ARHGAP24: variants seen among roughly 807,000 people sequenced by gnomAD.
The protein encoded by ARHGAP24 is Rho GTPase activating protein 24.
Under a neutral mutation model 76.4 loss-of-function variants are expected in ARHGAP24, and 50 were observed. The observed-to-expected ratio is 0.65, with a 90% confidence interval of 0.52 to 0.83. The LOEUF is 0.83. Ranked by LOEUF, ARHGAP24 falls within the 40% of genes least tolerant of loss-of-function variation. The pLI, the probability that ARHGAP24 is intolerant of heterozygous loss-of-function variation, is 0.00. For synonymous variants in ARHGAP24, 345 were observed against 323.3 expected, an observed-to-expected ratio of 1.07 and a Z score of -0.72; for missense variants, 930 against 914.2, an observed-to-expected ratio of 1.02 and a Z score of -0.22.
intron 3 of ARHGAP24, among the ~76,000 whole-genome samples, chr4:85,894,685 T>C (rs7664621): frequency 0.68 from 103,469 of 151,936 alleles, 35,535 homozygotes; most frequent in African/African-American, 0.72. Flanking sequence ...GGGAGCCAGG[T>C]GAGGTGGCTC....
chr4:85,534,726 T>C (rs1328316990), intron 1 of ARHGAP24, among the ~76,000 whole-genome samples: 2 of 152,060 alleles, frequency 1.3e-5, no homozygotes, highest in Non-Finnish European at 2.9e-5. Context: ...GTTCAAAGCC[T>C]CTAGTTGCCT....
chr4:85,939,773 A>G (rs374550691), intron 4 of ARHGAP24, among the ~76,000 whole-genome samples: 8 of 152,246 alleles, frequency 5.3e-5, no homozygotes, highest in African/African-American at 1.9e-4. Context: ...AAACCCAAAT[A>G]TTGGAAGTTT....
chr4:85,558,076 C>T (rs949645947), intron 1 of ARHGAP24, among the ~76,000 whole-genome samples: 7 of 152,218 alleles, frequency 4.6e-5, no homozygotes, highest in African/African-American at 1.4e-4. Flanking sequence ...AGTGTCTTCC[C>T]TATCCTAAGG....
chr4:85,727,559 G>A (rs1376273572), intron 3 of ARHGAP24, among the ~76,000 whole-genome samples: 3 of 152,078 alleles, frequency 2.0e-5, no homozygotes, highest in Non-Finnish European at 2.9e-5. Flanking sequence ...TGGATTCTAC[G>A]GATGGAGTGC....
chr4:85,964,862 C>CGT lies in ARHGAP24; in HGVS notation c.600-7159_600-7158dup, dbSNP rs372675388. Among the ~76,000 whole-genome samples the CGT allele has an allele frequency of 4.6e-4, 69 of 150,324 alleles. No individual in the cohort carries two copies. In the South Asian group the frequency reaches 5.7e-3, roughly 12 times the overall value. ...ACGTAAAGAGAGTGATTTGTGTATA[C>CGT]GTGTGTGTGTGTGTGTACTCACATG... On this transcript the variant is annotated intron_variant, in intron 5 of 9. Coordinates refer to ENST00000395184, the MANE Select transcript of ARHGAP24 (RefSeq NM_001025616.3).
At chr4:85,925,276 C>T (rs958035353) in intron 4 of ARHGAP24, among the ~76,000 whole-genome samples, 3 of 152,166 alleles carry the variant, frequency 2.0e-5, no homozygotes, top group Non-Finnish European at 4.4e-5. Flanking sequence ...TCCAATTGTC[C>T]AGTACATTTA....
intron 3 of ARHGAP24, among the ~76,000 whole-genome samples, chr4:85,823,619 G>C (rs886665309): frequency 6.6e-6 from 1 of 152,174 alleles, no homozygotes; most frequent in East Asian, 1.9e-4. Flanking sequence ...CTGGCCATGA[G>C]CCACCTGACT....
chr4:85,622,145 A>G (rs900372528), intron 2 of ARHGAP24, among the ~76,000 whole-genome samples: 1 of 151,824 alleles, frequency 6.6e-6, no homozygotes, highest in Admixed American at 6.6e-5. Context: ...TGTGCACAAC[A>G]TGCAGGTTTG....
chr4:85,919,867 G>A (rs934595249), intron 3 of ARHGAP24, among the ~76,000 whole-genome samples: 10 of 152,112 alleles, frequency 6.6e-5, no homozygotes, highest in African/African-American at 1.9e-4. Flanking sequence ...TTTTGGGCCC[G>A]ATACTGTGGT....
intron 4 of ARHGAP24, 70 bp downstream of exon 4, chr4:85,923,840 A>T: frequency 6.2e-7 from 1 of 1,607,236 alleles, no homozygotes. Flanking sequence ...TCCCCCAGCG[A>T]ATGTTACTAT....
chr4:85,974,313 C>G (rs1170593469), intron 6 of ARHGAP24, among the ~76,000 whole-genome samples: 1 of 152,130 alleles, frequency 6.6e-6, no homozygotes, highest in Non-Finnish European at 1.5e-5. Flanking sequence ...CCTTTATGGG[C>G]AGAAGAAGAA....
chr4:85,799,394 G>C (rs924033737), intron 3 of ARHGAP24, among the ~76,000 whole-genome samples: 1 of 151,910 alleles, frequency 6.6e-6, no homozygotes, highest in African/African-American at 2.4e-5. Flanking sequence ...GTTCAAAGTG[G>C]GAATAATTTG....
At chr4:85,946,800 A>T (rs1323126175) in intron 5 of ARHGAP24, among the ~76,000 whole-genome samples, 1 of 152,146 alleles carries the variant, frequency 6.6e-6, no homozygotes, top group African/African-American at 2.4e-5. Flanking sequence ...ATATAGGTGT[A>T]TGTGTCTTTT....
rs1460424730 is a variant in ARHGAP24, at chr4:85,730,212, C to A, written c.268+8240C>A. 3.9e-5 allele frequency among the ~76,000 whole-genome samples: 6 copies of A among 152,206 alleles called. No individual in the cohort carries two copies. In the South Asian group the frequency reaches 1.2e-3, roughly 32 times the overall value. ...TCTAGATTCTGACCAGAACTGAAATCTCTTATGTGACTTTATGAATACCAT... is the reference window on the plus strand; with the variant it reads ...TCTAGATTCTGACCAGAACTGAAATATCTTATGTGACTTTATGAATACCAT... On this transcript the variant is annotated intron_variant, in intron 3 of 9. Transcript: ENST00000395184.
rs547198640 is a variant in ARHGAP24, at chr4:85,611,747, A to G, written c.180+41026A>G. Among the ~76,000 whole-genome samples the G allele has an allele frequency of 5.9e-5, 9 of 152,320 alleles. 1 individual carries two copies. In the South Asian group the frequency reaches 1.2e-3, roughly 21 times the overall value. On this transcript the variant is annotated intron_variant, in intron 2 of 9. Transcript: ENST00000395184. ...GAAATTAAGATGATCCTTTGAGTCT[A>G]TGGCAAATGTCTGATGAAAATATGT... is the stretch of plus-strand genomic sequence containing the variant.
chr4:85,879,174 A>G (rs1733099680), intron 3 of ARHGAP24, among the ~76,000 whole-genome samples: 1 of 152,204 alleles, frequency 6.6e-6, no homozygotes, highest in Non-Finnish European at 1.5e-5. Flanking sequence ...ATGAAATTTC[A>G]ACATCATGAT....
chr4:85,494,380 T>C (rs1723475268), intron 1 of ARHGAP24, among the ~76,000 whole-genome samples: 1 of 152,188 alleles, frequency 6.6e-6, no homozygotes, highest in Non-Finnish European at 1.5e-5. Context: ...AGTGTTTGGT[T>C]TTCTGTTCCT....
At chr4:85,671,317 A>G (rs948624497) in intron 2 of ARHGAP24, among the ~76,000 whole-genome samples, 3 of 151,984 alleles carry the variant, frequency 2.0e-5, no homozygotes, top group African/African-American at 7.2e-5. Context: ...ATTACATGGT[A>G]TTTTTTCCCT....
At chr4:85,948,785 T>C (rs1430683543) in intron 5 of ARHGAP24, among the ~76,000 whole-genome samples, 1 of 152,186 alleles carries the variant, frequency 6.6e-6, no homozygotes, top group Non-Finnish European at 1.5e-5. Context: ...CTCATACCCA[T>C]CATTTGGCTT....
Sources: gnomAD v4.1 joint callset for allele counts (sites outside exome capture counted in the v4.1 genomes callset) on GRCh38, gnomAD v4.1.1 for gene constraint, MANE v1.5 for transcripts, NCBI Gene and HGNC (gene_info 2026-07-23, HGNC 2026-07-21) for gene names.